RASA1: variants seen among roughly 807,000 people sequenced by gnomAD.
The protein encoded by RASA1 is RAS p21 protein activator 1.
RASA1 carries 25 observed loss-of-function variants against 132.2 expected under a neutral mutation model. The observed-to-expected ratio is 0.19, with a 90% CI of 0.14 to 0.26. RASA1 has a LOEUF of 0.26. Ranked by LOEUF, RASA1 falls within the 10% of genes least tolerant of loss-of-function variation. The pLI, the probability that RASA1 is intolerant of heterozygous loss-of-function variation, is 1.00. For synonymous variants in RASA1, 477 were observed against 449.9 expected (o/e 1.06, Z -0.76); for missense variants, 964 against 1,299.2 (o/e 0.74, Z 3.97).
chr5:87,308,019 T>TA (rs765869892), intron 1 of RASA1, among the ~76,000 whole-genome samples: 3 of 152,192 alleles, frequency 2.0e-5, no homozygotes, highest in Non-Finnish European at 4.4e-5. Context: ...CTTAGCTTCT[T>TA]ATCTGTGTAG....
chr5:87,384,185 A>T (rs1367261643), intron 21 of RASA1, among the ~76,000 whole-genome samples: 1 of 152,166 alleles, frequency 6.6e-6, no homozygotes, highest in Non-Finnish European at 1.5e-5. Context: ...TTGGAATAGT[A>T]TTCTGTGAGT....
intron 1 of RASA1, among the ~76,000 whole-genome samples, chr5:87,291,434 G>A (rs1321106605): frequency 2.6e-5 from 4 of 152,174 alleles, no homozygotes; most frequent in Non-Finnish European, 4.4e-5. Flanking sequence ...AGGAGACCGA[G>A]TGGGGAGGAT....
chr5:87,313,569 T>C (rs1324202340), intron 1 of RASA1, among the ~76,000 whole-genome samples: 1 of 152,224 alleles, frequency 6.6e-6, no homozygotes, highest in Non-Finnish European at 1.5e-5. Context: ...TTCAAGGCAT[T>C]GTGCCATGTG....
chr5:87,345,072 CAA>C (rs1402408400), intron 6 of RASA1, among the ~76,000 whole-genome samples: 1 of 152,032 alleles, frequency 6.6e-6, no homozygotes, highest in Non-Finnish European at 1.5e-5. Flanking sequence ...CTCTTGGGCT[CAA>C]GAGATCCTCC....
intron 22 of RASA1, among the ~76,000 whole-genome samples, chr5:87,386,108 C>T (rs539207828): frequency 6.0e-4 from 91 of 151,986 alleles, no homozygotes; most frequent in African/African-American, 2.2e-3. Flanking sequence ...GGGTACTATA[C>T]TTTTTTCTTT....
intron 1 of RASA1, among the ~76,000 whole-genome samples, chr5:87,283,757 A>G (rs112100384): frequency 4.6e-5 from 7 of 152,236 alleles, no homozygotes; most frequent in Admixed American, 1.3e-4. Context: ...CTATTTAACT[A>G]CTATGCTACA....
chr5:87,322,418 C>G (rs1756893588), intron 1 of RASA1, among the ~76,000 whole-genome samples: 1 of 152,198 alleles, frequency 6.6e-6, no homozygotes, highest in Admixed American at 6.5e-5. Context: ...TGAGCTGAAA[C>G]AGTTTCATCC....
intron 1 of RASA1, among the ~76,000 whole-genome samples, chr5:87,294,833 G>A (rs944010611): frequency 1.3e-5 from 2 of 152,210 alleles, no homozygotes; most frequent in African/African-American, 4.8e-5. Context: ...GTTGTTGGAT[G>A]AAGTAGTCTA....
At chr5:87,289,181 T>C (rs563326973) in intron 1 of RASA1, among the ~76,000 whole-genome samples, 1 of 152,296 alleles carries the variant, frequency 6.6e-6, no homozygotes, top group Admixed American at 6.5e-5. Flanking sequence ...AATTTGTATT[T>C]GATTGTTTTC....
At chr5:87,286,976 T>TATAC (rs1307561156) in intron 1 of RASA1, among the ~76,000 whole-genome samples, 2 of 148,520 alleles carry the variant, frequency 1.3e-5, no homozygotes, top group Non-Finnish European at 3.0e-5. Flanking sequence ...ACACCATATA[T>TATAC]ATACCATATA....
At chr5:87,329,657 A>G (rs1757471102) in intron 1 of RASA1, among the ~76,000 whole-genome samples, 1 of 152,154 alleles carries the variant, frequency 6.6e-6, no homozygotes, top group Non-Finnish European at 1.5e-5. Context: ...TTAACAAATA[A>G]CAAGTATATA....
chr5:87,308,767 G>A (rs139752831), intron 1 of RASA1, among the ~76,000 whole-genome samples: 95 of 152,190 alleles, frequency 6.2e-4, no homozygotes, highest in East Asian at 2.9e-3. Context: ...GATATGTTTA[G>A]ATACACAAAT....
intron 6 of RASA1, among the ~76,000 whole-genome samples, chr5:87,341,534 C>G (rs1434824975): frequency 6.6e-6 from 1 of 151,974 alleles, no homozygotes; most frequent in Non-Finnish European, 1.5e-5. Flanking sequence ...AAATATAACT[C>G]TTTTTATCAC....
intron 10 of RASA1, among the ~76,000 whole-genome samples, chr5:87,362,879 A>G (rs1213386130): frequency 2.6e-5 from 4 of 150,982 alleles, no homozygotes; most frequent in Admixed American, 2.0e-4. Flanking sequence ...TCTTCTACCC[A>G]TGGTTTCTTT....
intron 17 of RASA1, among the ~76,000 whole-genome samples, chr5:87,377,748 C>T (rs568075275): frequency 1.3e-5 from 2 of 152,258 alleles, no homozygotes; most frequent in East Asian, 3.9e-4. Flanking sequence ...ATAATCCACC[C>T]TCCCCCTGGC....
At chr5:87,307,569 A>G (rs1448740441) in intron 1 of RASA1, among the ~76,000 whole-genome samples, 1 of 152,208 alleles carries the variant, frequency 6.6e-6, no homozygotes, top group Non-Finnish European at 1.5e-5. Context: ...TAAATATTCA[A>G]ATTTTATCAT....
At chr5:87,320,629 G>A (rs1756721938) in intron 1 of RASA1, among the ~76,000 whole-genome samples, 1 of 152,144 alleles carries the variant, frequency 6.6e-6, no homozygotes, top group Non-Finnish European at 1.5e-5. Flanking sequence ...ACAGCAAGGG[G>A]AAATTTGCCT....
intron 1 of RASA1, among the ~76,000 whole-genome samples, chr5:87,283,287 T>C (rs80340477): frequency 0.032 from 4,801 of 151,982 alleles, 153 homozygotes; most frequent in African/African-American, 0.073. Context: ...GTGTTTTTAA[T>C]GATAGCTGAT....
intron 1 of RASA1, among the ~76,000 whole-genome samples, chr5:87,319,360 A>G (rs1756602561): frequency 6.6e-6 from 1 of 152,188 alleles, no homozygotes; most frequent in Non-Finnish European, 1.5e-5. Context: ...GCCCTAGTAG[A>G]GGGTCTCCAT....
Sources: gnomAD v4.1 joint callset for allele counts (sites outside exome capture counted in the v4.1 genomes callset) on GRCh38, gnomAD v4.1.1 for gene constraint, MANE v1.5 for transcripts, NCBI Gene and HGNC (gene_info 2026-07-23, HGNC 2026-07-21) for gene names.